QTMAN: variants seen among roughly 807,000 people sequenced by gnomAD.
QTMAN encodes the protein queuosine-tRNA mannosyltransferase.
chr2:144,171,804 A>T, the QTMAN span, among the ~76,000 whole-genome samples: 1 of 152,254 alleles, frequency 6.6e-6, no homozygotes, highest in African/African-American at 2.4e-5. Context: ...AATTTATGGA[A>T]CGAAGCCATT....
the QTMAN span, among the ~76,000 whole-genome samples, chr2:144,096,248 A>C: frequency 6.6e-6 from 1 of 152,270 alleles, no homozygotes; most frequent in African/African-American, 2.4e-5. Context: ...AAGTACTTGT[A>C]CTAAGCACAC....
chr2:144,145,981 GT>G, the QTMAN span: 1 of 33,564 alleles, frequency 3.0e-5, no homozygotes, highest in African/African-American at 1.3e-4. Context: ...ACTGAGAAAT[GT>G]TAAAAAAAAA....
chr2:144,137,446 C>G, the QTMAN span, among the ~76,000 whole-genome samples: 1 of 152,130 alleles, frequency 6.6e-6, no homozygotes, highest in South Asian at 2.1e-4. Context: ...TGTTGTCAAG[C>G]TGTCAGTCAG....
the QTMAN span, among the ~76,000 whole-genome samples, chr2:144,077,512 G>A: frequency 6.6e-6 from 1 of 152,094 alleles, no homozygotes; most frequent in Non-Finnish European, 1.5e-5. Flanking sequence ...TTTCTCCCAT[G>A]TGCACATTTC....
the QTMAN span, among the ~76,000 whole-genome samples, chr2:143,994,094 T>C: frequency 5.3e-4 from 81 of 152,270 alleles, no homozygotes; most frequent in Admixed American, 8.5e-4. Context: ...CCAATTAAGA[T>C]TGACTTTTTA....
chr2:144,151,261 GA>G, the QTMAN span, among the ~76,000 whole-genome samples: 1 of 152,012 alleles, frequency 6.6e-6, no homozygotes, highest in East Asian at 1.9e-4. Flanking sequence ...TAAAAGGTAT[GA>G]TTTTTTATTA....
the QTMAN span, among the ~76,000 whole-genome samples, chr2:144,311,038 T>C: frequency 6.6e-6 from 1 of 152,246 alleles, no homozygotes; most frequent in Non-Finnish European, 1.5e-5. Context: ...GTGTGTTTTC[T>C]GATTTACATA....
chr2:143,952,315 CA>C, the QTMAN span, among the ~76,000 whole-genome samples: 1 of 151,474 alleles, frequency 6.6e-6, no homozygotes, highest in Admixed American at 6.6e-5. Flanking sequence ...TAATGTAACA[CA>C]ATGCATATGT....
At chr2:144,032,631 G>C in the QTMAN span, among the ~76,000 whole-genome samples, 6 of 152,184 alleles carry the variant, frequency 3.9e-5, no homozygotes, top group Non-Finnish European at 8.8e-5. Context: ...GATGTGGTTT[G>C]GTAACAGACA....
At chr2:144,179,736 C>T in the QTMAN span, among the ~76,000 whole-genome samples, 183 of 152,262 alleles carry the variant, frequency 1.2e-3, 2 homozygotes, top group African/African-American at 4.2e-3. Context: ...GTCACAGCTA[C>T]TTAGTTTTCC....
At chr2:144,052,329 C>T in the QTMAN span, among the ~76,000 whole-genome samples, 1 of 152,062 alleles carries the variant, frequency 6.6e-6, no homozygotes, top group Non-Finnish European at 1.5e-5. Context: ...ACTGGCAAAA[C>T]CAGAAGGCCA....
At chr2:144,043,685 T>G in the QTMAN span, among the ~76,000 whole-genome samples, 1 of 151,056 alleles carries the variant, frequency 6.6e-6, no homozygotes, top group Non-Finnish European at 1.5e-5. Context: ...CATGCCAACA[T>G]CTTTTCACTG....
At chr2:143,992,260 T>C in the QTMAN span, among the ~76,000 whole-genome samples, 7 of 149,580 alleles carry the variant, frequency 4.7e-5, no homozygotes, top group African/African-American at 1.2e-4. Flanking sequence ...CTCTGAAACA[T>C]GTGCTGTGCC....
At chr2:144,250,623 A>G in the QTMAN span, among the ~76,000 whole-genome samples, 2 of 152,210 alleles carry the variant, frequency 1.3e-5, no homozygotes, top group African/African-American at 2.4e-5. Flanking sequence ...CAGCTGTGTG[A>G]AAGTATTACT....
At chr2:144,259,979 A>G in the QTMAN span, among the ~76,000 whole-genome samples, 13 of 152,216 alleles carry the variant, frequency 8.5e-5, no homozygotes, top group African/African-American at 3.1e-4. Flanking sequence ...GTGACAAGTT[A>G]CAAATTTAAT....
At chr2:144,157,594 C>T in the QTMAN span, among the ~76,000 whole-genome samples, 5 of 151,886 alleles carry the variant, frequency 3.3e-5, no homozygotes, top group African/African-American at 4.8e-5. Context: ...AAAACACTTG[C>T]GATGGCTATT....
At chr2:143,974,016 T>C in the QTMAN span, among the ~76,000 whole-genome samples, 1 of 152,212 alleles carries the variant, frequency 6.6e-6, no homozygotes. Context: ...TGTGAATCTG[T>C]CTTAAATTCC....
the QTMAN span, among the ~76,000 whole-genome samples, chr2:144,292,096 A>G: frequency 1.3e-5 from 2 of 152,210 alleles, no homozygotes; most frequent in African/African-American, 4.8e-5. Flanking sequence ...AATATCTACT[A>G]CAAACAACAA....
chr2:144,109,572 T>C, the QTMAN span, among the ~76,000 whole-genome samples: 4 of 152,126 alleles, frequency 2.6e-5, no homozygotes, highest in Non-Finnish European at 5.9e-5. Context: ...AAAGAGCTTC[T>C]GCACAGCAAA....
Sources: allele counts gnomAD v4.1 joint callset (sites outside exome capture counted in the v4.1 genomes callset), GRCh38; gene constraint gnomAD v4.1.1; transcripts MANE v1.5; gene names NCBI Gene and HGNC (gene_info 2026-07-23, HGNC 2026-07-21).